Variants in LRRN3 observed in about 807,000 individuals in gnomAD.
LRRN3 encodes the protein leucine rich repeat neuronal 3, also known as leucine-rich repeat neuronal protein 3.
LRRN3 carries 15 observed loss-of-function variants against 40.1 expected under a neutral mutation model. The ratio of observed to expected loss-of-function variants is 0.37; its 90% confidence interval spans 0.25 to 0.58. The LOEUF is 0.58. Ranked by LOEUF, LRRN3 falls within the 20% of genes least tolerant of loss-of-function variation. The probability of loss-of-function intolerance (pLI) is 0.72; values close to 1 mark genes in which losing one functional copy is unlikely to be tolerated. For missense variants in LRRN3, 746 were observed against 837.7 expected (o/e 0.89, Z 1.35); for synonymous variants, 308 against 297.2 (o/e 1.04, Z -0.37).
intron 2 of LRRN3, among the ~76,000 whole-genome samples, chr7:111,111,534 C>T (rs1681317074): frequency 6.6e-6 from 1 of 151,790 alleles, no homozygotes; most frequent in African/African-American, 2.4e-5. Context: ...CTCATATTTC[C>T]CAAATGTTCA....
chr7:111,115,477 A>G (rs1448460516), intron 2 of LRRN3, among the ~76,000 whole-genome samples: 1 of 151,972 alleles, frequency 6.6e-6, no homozygotes, highest in Non-Finnish European at 1.5e-5. Context: ...AGAAATGACT[A>G]CCCCAATATG....
chr7:111,115,935 C>G (rs569260271), intron 2 of LRRN3, among the ~76,000 whole-genome samples: 1 of 152,218 alleles, frequency 6.6e-6, no homozygotes, highest in African/African-American at 2.4e-5. Context: ...ACTCAGCCTC[C>G]CAAAGGGCTG....
intron 2 of LRRN3, among the ~76,000 whole-genome samples, chr7:111,106,393 A>G (rs1411040952): frequency 1.3e-5 from 2 of 151,980 alleles, no homozygotes; most frequent in Admixed American, 1.3e-4. Context: ...AGCCCTTGAA[A>G]TAATAGAAAT....
chr7:111,109,762 T>C (rs1030503560), intron 2 of LRRN3, among the ~76,000 whole-genome samples: 1 of 152,214 alleles, frequency 6.6e-6, no homozygotes, highest in African/African-American at 2.4e-5. Context: ...ACAATATGAC[T>C]GTGACTACTA....
At position 111,122,505 on chromosome 7, in the gene LRRN3, A is replaced by T; in HGVS notation, c.-268A>T. The T allele has an allele frequency of 7.7e-6, 3 of 387,754 alleles. No homozygotes were observed. The highest frequency in any genetic ancestry group is 1.4e-5 in the Non-Finnish European group (3 of 216,946). 24.0% of individuals were successfully genotyped at this position (387,754 alleles called of 1,614,324 possible). ...ATGAATTACTCAATCTCCTATGACC[A>T]TCTATACATACTCCACCTTCAAAAA... On this transcript the variant is annotated 5_prime_UTR_variant, in exon 3 of 3. Transcript: ENST00000308478.
Position 111,123,881 on chromosome 7 carries a change from T to A in LRRN3, c.1109T>A (p.Ile370Asn). ...LKEISIHSNP[I>N]RCDCVIRWMN... ...GAAATCAGCATACACAGTAACCCCA[T>A]CAGGTGTGACTGTGTCATCCGTTGG... The change falls in exon 3 of 3, where the codon ATC becomes AAC. Residue 370 changes from isoleucine (I) to asparagine (N), a missense_variant. Ile to Asn is a moderately radical substitution (Grantham distance 149, BLOSUM62 -3). Coordinates refer to ENST00000308478, the MANE Select transcript of LRRN3 (RefSeq NM_001099658.2). The surrounding 1 kb of genome is among the most constrained non-coding windows in gnomAD (Gnocchi z 6.4). 6.2e-7 allele frequency: 1 copy of A among 1,613,972 alleles called. No homozygotes were observed. Among genetic ancestry groups the A allele is most frequent in the Non-Finnish European group, 8.5e-7 (1 of 1,179,972 alleles).
At position 111,124,981 on chromosome 7, in the gene LRRN3, A is replaced by C; in HGVS notation, c.*82A>C. ...GCAGTTGTGCTAAAAACAAAACAAA[A>C]CAAACAAACAAACAAAAAAGTAAAA... On this transcript the variant is annotated 3_prime_UTR_variant, in exon 3 of 3. Coordinates refer to ENST00000308478, the MANE Select transcript of LRRN3 (RefSeq NM_001099658.2). 1.0e-6 allele frequency: 1 copy of C among 957,998 alleles called. No individual in the cohort carries two copies. The highest frequency in any genetic ancestry group is 1.5e-6 in the Non-Finnish European group (1 of 656,394). The allele number at this position is 957,998 out of a possible 1,614,324, so 59.3% of individuals were successfully genotyped here. A position where few individuals can be genotyped will look rare whatever the true frequency, so the allele number is the denominator to read the frequency against.
chr7:111,113,854 C>T (rs780948715), intron 2 of LRRN3, among the ~76,000 whole-genome samples: 2 of 152,134 alleles, frequency 1.3e-5, no homozygotes, highest in African/African-American at 4.8e-5. Flanking sequence ...TACTACCACA[C>T]TAACTTCTCA....
rs1161182636 is a variant in LRRN3, at chr7:111,124,433, G to A, written c.1661G>A (p.Trp554Ter). Residue 554 changes from tryptophan (W) to a stop codon, truncating the protein, a stop_gained, in exon 3 of 3, where the codon TGG becomes TAG. Transcript: ENST00000308478. LOFTEE classifies it high-confidence loss of function. ...SSKILKSSVKWTAFVKTENSH... is the reference protein window; with the variant it reads ...SSKILKSSVK ...AAAATTCTCAAATCTAGTGTTAAATGGACAGCCTTTGTCAAGACTGAAAAT... is the reference window on the plus strand; with the variant it reads ...AAAATTCTCAAATCTAGTGTTAAATAGACAGCCTTTGTCAAGACTGAAAAT... The A allele has an allele frequency of 1.1e-5, 17 of 1,613,552 alleles. No homozygotes were observed. The highest frequency in any genetic ancestry group is 1.4e-5 in the Non-Finnish European group (17 of 1,179,858).
intron 2 of LRRN3, among the ~76,000 whole-genome samples, chr7:111,109,809 T>C (rs1798981735): frequency 6.6e-6 from 1 of 152,138 alleles, no homozygotes; most frequent in Non-Finnish European, 1.5e-5. Context: ...TGTTATATGA[T>C]GGAAAACTGA....
At chr7:111,114,187 C>A (rs1049713966) in intron 2 of LRRN3, among the ~76,000 whole-genome samples, 8 of 151,876 alleles carry the variant, frequency 5.3e-5, no homozygotes, top group African/African-American at 1.7e-4. Flanking sequence ...ACAATGATTT[C>A]TCTTACAAGT....
chr7:111,105,289 G>T (rs1798420095), intron 2 of LRRN3, among the ~76,000 whole-genome samples: 1 of 151,790 alleles, frequency 6.6e-6, no homozygotes, highest in Non-Finnish European at 1.5e-5. Flanking sequence ...AACCTTCTAT[G>T]AATCTGACAT....
At chr7:111,115,787 C>T (rs1416910758) in intron 2 of LRRN3, among the ~76,000 whole-genome samples, 1 of 152,106 alleles carries the variant, frequency 6.6e-6, no homozygotes, top group African/African-American at 2.4e-5. Context: ...CGTGCCTCAG[C>T]CTCCCGAGTA....
intron 1 of LRRN3, among the ~76,000 whole-genome samples, chr7:111,092,466 T>G (rs1796973240): frequency 6.6e-6 from 1 of 152,206 alleles, no homozygotes; most frequent in Non-Finnish European, 1.5e-5. Context: ...AAGCAGGCTA[T>G]GAATATGAGT....
intron 2 of LRRN3, among the ~76,000 whole-genome samples, chr7:111,119,093 A>G (rs1238907542): frequency 1.3e-5 from 2 of 152,212 alleles, no homozygotes; most frequent in African/African-American, 4.8e-5. Flanking sequence ...TAGTTAACTT[A>G]AAGAAGGATA....
At chr7:111,110,482 C>A (rs796330086) in intron 2 of LRRN3, among the ~76,000 whole-genome samples, 29 of 152,230 alleles carry the variant, frequency 1.9e-4, no homozygotes, top group African/African-American at 7.0e-4. Context: ...TAACCAGTGT[C>A]ATGAATTAGA....
chr7:111,091,825 G>A (rs1796897346), intron 1 of LRRN3, among the ~76,000 whole-genome samples: 1 of 152,094 alleles, frequency 6.6e-6, no homozygotes, highest in South Asian at 2.1e-4. Context: ...CAGTGGGGGA[G>A]AAGAGAGGAG....
chr7:111,116,397 C>CT (rs1342620982), intron 2 of LRRN3, among the ~76,000 whole-genome samples: 2 of 152,106 alleles, frequency 1.3e-5, no homozygotes, highest in Non-Finnish European at 2.9e-5. Context: ...ATTTGAGAAT[C>CT]TGAAAATATC....
chr7:111,102,137 T>C (rs1246512507), intron 2 of LRRN3, among the ~76,000 whole-genome samples: 1 of 151,506 alleles, frequency 6.6e-6, no homozygotes, highest in Non-Finnish European at 1.5e-5. Context: ...GGATAGATTT[T>C]ACAGATTTTA....
Sources: gnomAD v4.1 joint callset for allele counts (sites outside exome capture counted in the v4.1 genomes callset) on GRCh38, gnomAD v4.1.1 for gene constraint, Gnocchi (gnomAD v3.1) non-coding constraint, MANE v1.5 for transcripts, NCBI Gene and HGNC (gene_info 2026-07-23, HGNC 2026-07-21) for gene names.